The following SF3A1 variants were observed in gnomAD, a reference collection of about 807,000 sequenced individuals.
The protein encoded by SF3A1 is SAP 114.
A neutral mutation model predicts 89.9 loss-of-function variants in SF3A1; 13 were observed. That is an observed-to-expected ratio of 0.14 (90% CI 0.09 to 0.23). The LOEUF (loss-of-function observed/expected upper bound fraction) is 0.23. Ranked by LOEUF, SF3A1 falls within the 10% of genes least tolerant of loss-of-function variation. SF3A1 has a pLI of 1.00. For synonymous variants in SF3A1, 405 were observed against 374.4 expected, an observed-to-expected ratio of 1.08 and a Z score of -0.94; for missense variants, 604 against 1,022.1, an observed-to-expected ratio of 0.59 and a Z score of 5.58.
At chr22:30,339,316 G>C in intron 9 of SF3A1, 65 bp from the exon 10 acceptor site, 1 of 1,597,020 alleles carries the variant, frequency 6.3e-7, no homozygotes, top group Non-Finnish European at 8.5e-7. Flanking sequence ...CCTGACAAGA[G>C]AGCAGCTTTT....
intron 4 of SF3A1, among the ~76,000 whole-genome samples, chr22:30,343,968 C>T (rs572878841): frequency 6.6e-6 from 1 of 152,310 alleles, no homozygotes; most frequent in African/African-American, 2.4e-5. Flanking sequence ...TACAGACCAT[C>T]CCACTGTAAA....
Position 30,352,934 on chromosome 22 carries a change from C to G in SF3A1, c.185+17G>C, listed in dbSNP as rs986544909. 18 of 1,613,650 alleles carry G rather than the reference C, an allele frequency of 1.1e-5. No individual in the cohort carries two copies. The highest frequency in any genetic ancestry group is 1.5e-5 in the Non-Finnish European group (18 of 1,179,742). ...ATGCTGAAACCCACCTCTGACCCACCCAAGTAGCTCTGTTACCTGGCCACA... is the reference window on the plus strand; with the variant it reads ...ATGCTGAAACCCACCTCTGACCCACGCAAGTAGCTCTGTTACCTGGCCACA... On this transcript the variant is annotated intron_variant, in intron 2 of 15. Coordinates refer to ENST00000215793, the MANE Select transcript of SF3A1 (RefSeq NM_005877.6).
intron 1 of SF3A1, among the ~76,000 whole-genome samples, chr22:30,353,816 G>A (rs185254129): frequency 1.3e-5 from 2 of 152,216 alleles, no homozygotes; most frequent in South Asian, 2.1e-4. Context: ...TTTTGTCTGC[G>A]ACTCGTCCTG....
chr22:30,337,632 G>T, intron 12 of SF3A1, 58 bp downstream of exon 12: 1 of 845,866 alleles, frequency 1.2e-6, no homozygotes, highest in Non-Finnish European at 2.0e-6. Flanking sequence ...TCTGCTGACA[G>T]TACTTGGCCC....
In SF3A1 at chr22:30,334,520, C is replaced by G. The variant is rs751572592; in HGVS notation, c.*74G>C. On this transcript the variant is annotated 3_prime_UTR_variant, in exon 16 of 16. Transcript: ENST00000215793. ...CAGGCAAGGCAAAGCCTCAGGGGGG[C>G]TCCTGGGTCTGGGGCAGGGGGTGGG... The G allele has an allele frequency of 1.8e-4, 159 of 894,684 alleles. No homozygotes were observed. Among genetic ancestry groups the G allele is most frequent in the Non-Finnish European group, 2.6e-4 (152 of 585,802 alleles). 55.4% of individuals were successfully genotyped at this position (894,684 alleles called of 1,614,324 possible).
In SF3A1 at chr22:30,338,974, T is replaced by C; in HGVS notation, c.1558A>G (p.Ile520Val). The C allele has an allele frequency of 1.2e-6, 2 of 1,614,216 alleles. No individual in the cohort carries two copies. Among genetic ancestry groups the C allele is most frequent in the South Asian group, 1.1e-5 (1 of 91,090 alleles). ...ARTQQAAQAN[I>V]TLQEQIEAIH... ...GCCTCAATCTGCTCCTGGAGGGTGA[T>C]GTTGGCCTGGGCAGCCTGCTGGGTC... Residue 520 changes from isoleucine (I) to valine (V), a missense_variant, in exon 11 of 16, where the codon ATC (isoleucine) becomes GTC (valine). Transcript: ENST00000215793.
In SF3A1 at chr22:30,341,739, G is replaced by A. The variant is rs762163533; in HGVS notation, c.1024C>T (p.Pro342Ser). ...GTGTCCTGGTCCAGCTGGGAAGGAG[G>A]CTCCTCCGCCTTCTCCTGTTTGTCA... Reference protein sequence around the residue: ...EDDKQEKAEEPPSQLDQDTQV... With the variant: ...EDDKQEKAEESPSQLDQDTQV... Residue 342 changes from proline to serine, a missense_variant, in exon 7 of 16, where the codon CCT becomes TCT. Physicochemically the swap from Pro to Ser is moderately conservative, Grantham distance 74. Coordinates refer to ENST00000215793, the MANE Select transcript of SF3A1 (RefSeq NM_005877.6). The A allele has an allele frequency of 6.2e-7, 1 of 1,614,104 alleles. No homozygotes were observed. The highest frequency in any genetic ancestry group is 1.1e-5 in the South Asian group (1 of 91,086).
Position 30,337,672 on chromosome 22 carries a change from G to T in SF3A1, c.1951+18C>A. 1 of 971,940 alleles carries T rather than the reference G, an allele frequency of 1.0e-6. No individual in the cohort carries two copies. Among genetic ancestry groups the T allele is most frequent in the Non-Finnish European group, 1.5e-6 (1 of 668,472 alleles). 60.2% of individuals were successfully genotyped at this position (971,940 alleles called of 1,614,324 possible). ...TCCCTGAACTAATGGCCTGGAAAAT[G>T]ATGCAAGAGATACTGACCTGTTGGC... On this transcript the variant is annotated intron_variant, in intron 12 of 15. Coordinates refer to ENST00000215793, the MANE Select transcript of SF3A1 (RefSeq NM_005877.6).
Position 30,337,175 on chromosome 22 carries a change from C to T in SF3A1, c.1957G>A (p.Val653Met), listed in dbSNP as rs1931094425. Residue 653 changes from valine (V) to methionine (M), a missense_variant, in exon 13 of 16, where the codon GTG becomes ATG. This residue lies in a region of SF3A1 where 45 missense variants were observed against 41.1 expected (regional missense o/e 1.09). Transcript: ENST00000215793. Reference sequence around the variant, plus strand: ...ACAGGTGCCACAGGTGGAGCAGGCACAAAGGCTGCAAAGACAAGAATAAGC... The same window carrying T: ...ACAGGTGCCACAGGTGGAGCAGGCATAAAGGCTGCAAAGACAAGAATAAGC... ...PPPMIVPTAF[V>M]PAPPVAPVPA... 3.1e-6 allele frequency: 5 copies of T among 1,607,786 alleles called. No individual in the cohort carries two copies. Among genetic ancestry groups the T allele is most frequent in the Non-Finnish European group, 4.2e-6 (5 of 1,176,936 alleles).
intron 11 of SF3A1, 112 bp from the exon 12 acceptor site, chr22:30,338,009 G>T: frequency 2.6e-6 from 2 of 778,148 alleles, no homozygotes; most frequent in South Asian, 2.9e-5. Flanking sequence ...AGACAACTAC[G>T]TCCTGGCCCC....
Position 30,346,031 on chromosome 22 carries a change from C to T in SF3A1, c.393+281G>A, listed in dbSNP as rs148015731. On this transcript the variant is annotated intron_variant, in intron 3 of 15. Coordinates refer to ENST00000215793, the MANE Select transcript of SF3A1 (RefSeq NM_005877.6). ...TGAGCAAGGCCTTGAATAAATCACACGTCCCCCAACTCTCAGGTTCCTCAT... is the reference window on the plus strand; with the variant it reads ...TGAGCAAGGCCTTGAATAAATCACATGTCCCCCAACTCTCAGGTTCCTCAT... Among the ~76,000 whole-genome samples, 66 of 152,284 alleles carry T rather than the reference C, an allele frequency of 4.3e-4. 1 individual carries two copies. The highest frequency in any genetic ancestry group is 1.5e-3 in the African/African-American group (63 of 41,560).
Position 30,346,296 on chromosome 22 carries a change from G to T in SF3A1, c.393+16C>A. The T allele has an allele frequency of 6.6e-7, 1 of 1,525,780 alleles. No individual in the cohort carries two copies. Among genetic ancestry groups the T allele is most frequent in the African/African-American group, 1.4e-5 (1 of 73,208 alleles). The allele number at this position is 1,525,780 out of a possible 1,614,324, so 94.5% of individuals were successfully genotyped here. ...CTCAAGCCCTGCGTAAGTGAAGGGG[G>T]CACTGGGCTCCAAACCTTCTGGGGC... On this transcript the variant is annotated intron_variant, in intron 3 of 15. Transcript: ENST00000215793.
intron 1 of SF3A1, among the ~76,000 whole-genome samples, chr22:30,354,427 T>A (rs1051962646): frequency 6.6e-6 from 1 of 152,198 alleles, no homozygotes; most frequent in African/African-American, 2.4e-5. Context: ...CATTCTTGCC[T>A]GTCTTCCCAT....
intron 4 of SF3A1, 132 bp from the exon 5 acceptor site, chr22:30,343,011 T>C: frequency 5.0e-6 from 3 of 594,196 alleles, no homozygotes; most frequent in South Asian, 2.1e-5. Context: ...CCAGCTCCAC[T>C]TGGCTGTGGG....
chr22:30,348,095 C>G (rs1229990875), intron 2 of SF3A1, among the ~76,000 whole-genome samples: 1 of 152,232 alleles, frequency 6.6e-6, no homozygotes, highest in Non-Finnish European at 1.5e-5. Flanking sequence ...CTTGGCCTCC[C>G]AAAGTGATAG....
rs1458769515 is a variant in SF3A1, at chr22:30,336,766, G to GT, written c.2106+259dup. On this transcript the variant is annotated intron_variant, in intron 13 of 15. Transcript: ENST00000215793. ...CTGCTGGGTCTCCCTGTTGGCCTCTGTAAGTCTACACCAGAGGGACCACCA... is the reference window on the plus strand; with the variant it reads ...CTGCTGGGTCTCCCTGTTGGCCTCTGTTAAGTCTACACCAGAGGGACCACCA... Among the ~76,000 whole-genome samples the GT allele has an allele frequency of 1.7e-4, 26 of 152,074 alleles. No homozygotes were observed. The East Asian group carries it at 4.6e-3, about 27-fold the overall frequency.
At chr22:30,341,384 G>A (rs904957182) in intron 7 of SF3A1, among the ~76,000 whole-genome samples, 4 of 152,210 alleles carry the variant, frequency 2.6e-5, no homozygotes, top group Admixed American at 6.5e-5. Flanking sequence ...GCTCAAAACA[G>A]AACAGGGTAA....
At chr22:30,341,978 T>C (rs1442700661) in intron 6 of SF3A1, 93 bp from the exon 7 acceptor site, 2 of 1,338,104 alleles carry the variant, frequency 1.5e-6, no homozygotes, top group African/African-American at 1.5e-5. Context: ...CATGTCTGTT[T>C]TCTCTCCAGC....
At position 30,353,077 on chromosome 22, in the gene SF3A1, G is replaced by A; in HGVS notation, c.64-5C>T. The A allele has an allele frequency of 6.2e-7, 1 of 1,613,670 alleles. No homozygotes were observed. Among genetic ancestry groups the A allele is most frequent in the Non-Finnish European group, 8.5e-7 (1 of 1,179,776 alleles). ...AGATGCTTCTTCTTCTGTGGGCTGT[G>A]CAAACAGGAAAAGAAATAAGGTTTT... On this transcript the variant is annotated splice_region_variant and splice_polypyrimidine_tract_variant and intron_variant, in intron 1 of 15. Coordinates refer to ENST00000215793, the MANE Select transcript of SF3A1 (RefSeq NM_005877.6).
Sources: gnomAD v4.1 joint callset for allele counts (sites outside exome capture counted in the v4.1 genomes callset) on GRCh38, gnomAD v4.1.1 for gene constraint, gnomAD v4.1.1 regional missense constraint, MANE v1.5 for transcripts, NCBI Gene and HGNC (gene_info 2026-07-23, HGNC 2026-07-21) for gene names.